The following FER1L6 variants were observed in gnomAD, a reference collection of about 807,000 sequenced individuals.
The protein encoded by FER1L6 is fer-1 like family member 6.
FER1L6 carries 177 observed loss-of-function variants against 219.2 expected under a neutral mutation model. That is an observed-to-expected ratio of 0.81 (90% CI 0.71 to 0.91). The LOEUF (loss-of-function observed/expected upper bound fraction) is 0.91. Among genes scored for constraint, FER1L6 ranks in the 40% least tolerant of loss-of-function variants. FER1L6 has a pLI of 0.00. For missense variants in FER1L6, 2,153 were observed against 2,259.9 expected, an observed-to-expected ratio of 0.95 and a Z score of 0.96; for synonymous variants, 768 against 824.3, an observed-to-expected ratio of 0.93 and a Z score of 1.17.
chr8:123,991,041 G>T (rs1816832784), intron 12 of FER1L6, among the ~76,000 whole-genome samples: 2 of 152,010 alleles, frequency 1.3e-5, no homozygotes, highest in South Asian at 4.2e-4. Flanking sequence ...TTTATTTCTG[G>T]GTTCTCTGTT....
chr8:123,916,579 A>T (rs1813197253), intron 1 of FER1L6, among the ~76,000 whole-genome samples: 1 of 152,156 alleles, frequency 6.6e-6, no homozygotes, highest in Admixed American at 6.5e-5. Context: ...TGGCATTATA[A>T]ATAGTTCTTG....
intron 1 of FER1L6, among the ~76,000 whole-genome samples, chr8:123,854,229 A>G (rs1018549847): frequency 6.6e-6 from 1 of 152,152 alleles, no homozygotes; most frequent in Non-Finnish European, 1.5e-5. Flanking sequence ...TTTTATCCTT[A>G]TGACAACACT....
chr8:124,106,887 G>T (rs926063519), intron 39 of FER1L6, among the ~76,000 whole-genome samples: 2 of 151,260 alleles, frequency 1.3e-5, no homozygotes, highest in Non-Finnish European at 2.9e-5. Flanking sequence ...TTTATTGAAT[G>T]AATCAATTAA....
Position 124,060,279 on chromosome 8 carries a change from T to C in FER1L6, c.2974T>C (p.Tyr992His), listed in dbSNP as rs757995575. The change falls in exon 23 of 41, where the codon TAC becomes CAC. Residue 992 changes from tyrosine to histidine, a missense_variant. By Grantham distance (83) the Tyr-to-His change is moderately conservative. Coordinates refer to ENST00000522917, the MANE Select transcript of FER1L6 (RefSeq NM_001039112.2). ...CAACATTCGGCCGGTGCTGAGCAAATACCGAGTGGAGGTACGGGTCAGCGG... is the reference window on the plus strand; with the variant it reads ...CAACATTCGGCCGGTGCTGAGCAAACACCGAGTGGAGGTACGGGTCAGCGG... Reference protein sequence around the residue: ...PANIRPVLSKYRVEVLFWGVR... With the variant: ...PANIRPVLSKHRVEVLFWGVR... 2.5e-6 allele frequency: 4 copies of C among 1,614,044 alleles called. No homozygotes were observed. The highest frequency in any genetic ancestry group is 2.2e-5 in the East Asian group (1 of 44,866).
chr8:124,092,714 T>C (rs1236543344), intron 34 of FER1L6, among the ~76,000 whole-genome samples: 2 of 152,130 alleles, frequency 1.3e-5, no homozygotes, highest in South Asian at 2.1e-4. Flanking sequence ...GCAGGCTCTA[T>C]AGGAAGCATG....
At chr8:123,910,416 AC>A (rs1813030956) in intron 1 of FER1L6, among the ~76,000 whole-genome samples, 2 of 152,156 alleles carry the variant, frequency 1.3e-5, no homozygotes, top group Non-Finnish European at 1.5e-5. Context: ...AGGACCTAGG[AC>A]CTTTTTCGTT....
chr8:123,980,844 CTA>C (rs746754207), intron 11 of FER1L6, 33 bp downstream of exon 11: 2 of 1,551,112 alleles, frequency 1.3e-6, no homozygotes, highest in South Asian at 2.4e-5. Flanking sequence ...GGTACTTTAC[CTA>C]TGAGGTGAAC....
At chr8:123,872,935 T>C (rs1303879728) in intron 1 of FER1L6, among the ~76,000 whole-genome samples, 2 of 152,228 alleles carry the variant, frequency 1.3e-5, no homozygotes, top group African/African-American at 4.8e-5. Context: ...TTCACACTGC[T>C]ATATGTTGGA....
At chr8:123,876,441 C>T (rs533718988) in intron 1 of FER1L6, among the ~76,000 whole-genome samples, 1 of 152,224 alleles carries the variant, frequency 6.6e-6, no homozygotes, top group African/African-American at 2.4e-5. Context: ...ATCACAGCTT[C>T]CCAAGTAGCC....
chr8:124,063,361 C>A (rs143616988), intron 25 of FER1L6, among the ~76,000 whole-genome samples: 2 of 152,116 alleles, frequency 1.3e-5, no homozygotes, highest in African/African-American at 4.8e-5. Flanking sequence ...GTTTAAGGAA[C>A]GCTTTCTCAC....
chr8:123,931,745 T>C (rs1468887508), intron 1 of FER1L6, among the ~76,000 whole-genome samples: 4 of 152,238 alleles, frequency 2.6e-5, no homozygotes, highest in Admixed American at 1.3e-4. Context: ...TTGTTGCCTG[T>C]TTCTTTTTGT....
intron 39 of FER1L6, 66 bp from the exon 40 acceptor site, chr8:124,118,778 A>T: frequency 7.6e-7 from 1 of 1,314,408 alleles, no homozygotes. Flanking sequence ...TAACACTTCT[A>T]GAAGGTTGCC....
intron 1 of FER1L6, among the ~76,000 whole-genome samples, chr8:123,906,168 C>T (rs966995800): frequency 4.6e-5 from 7 of 152,186 alleles, no homozygotes; most frequent in African/African-American, 1.7e-4. Context: ...GGAATGAATT[C>T]TCTGCTCATT....
intron 1 of FER1L6, among the ~76,000 whole-genome samples, chr8:123,868,471 T>C (rs1816873431): frequency 6.6e-6 from 1 of 152,212 alleles, no homozygotes; most frequent in Admixed American, 6.5e-5. Flanking sequence ...TTTTCCCTGA[T>C]CATTTTATTT....
chr8:123,993,459 AAG>A (rs201535182), intron 12 of FER1L6, among the ~76,000 whole-genome samples: 5,678 of 150,594 alleles, frequency 0.038, 213 homozygotes, highest in African/African-American at 0.1. Flanking sequence ...AAAAAAAAAA[AAG>A]GAAGAATGTA....
intron 12 of FER1L6, among the ~76,000 whole-genome samples, chr8:123,994,640 G>A (rs1333443048): frequency 6.6e-6 from 1 of 152,172 alleles, no homozygotes; most frequent in African/African-American, 2.4e-5. Flanking sequence ...ACACCTCCCA[G>A]TTCACCCGCA....
At chr8:124,067,942 T>A in intron 28 of FER1L6, 136 bp downstream of exon 28, 1 of 690,652 alleles carries the variant, frequency 1.4e-6, no homozygotes, top group East Asian at 2.7e-5. Flanking sequence ...CTCAGGAAGA[T>A]GACAGCACTT....
chr8:123,929,453 A>G (rs1813688199), intron 1 of FER1L6, among the ~76,000 whole-genome samples: 1 of 152,042 alleles, frequency 6.6e-6, no homozygotes, highest in South Asian at 2.1e-4. Context: ...CCAGAATCCT[A>G]TTTTCTTTCC....
At chr8:124,082,574 T>A in intron 33 of FER1L6, 116 bp downstream of exon 33, 2 of 916,406 alleles carry the variant, frequency 2.2e-6, no homozygotes, top group African/African-American at 1.7e-5. Context: ...GGCTCAGCTT[T>A]AACGTCTCAA....
Sources: gnomAD v4.1 joint callset for allele counts (sites outside exome capture counted in the v4.1 genomes callset) on GRCh38, gnomAD v4.1.1 for gene constraint, MANE v1.5 for transcripts, NCBI Gene and HGNC (gene_info 2026-07-23, HGNC 2026-07-21) for gene names.